Variants in PIGK observed in about 807,000 individuals in gnomAD.
The protein encoded by PIGK is GPI-anchor transamidase.
PIGK carries 42 observed loss-of-function variants against 50.6 expected under a neutral mutation model. The observed-to-expected ratio is 0.83, with a 90% CI of 0.65 to 1.07. The LOEUF (loss-of-function observed/expected upper bound fraction) is 1.07. Ranked by LOEUF, PIGK falls within the 50% of genes least tolerant of loss-of-function variation. The pLI is 0.00. For synonymous variants in PIGK, 151 were observed against 156.0 expected, an observed-to-expected ratio of 0.97 and a Z score of 0.24; for missense variants, 448 against 488.7, an observed-to-expected ratio of 0.92 and a Z score of 0.78.
At chr1:77,105,723 T>G (rs938238364) in intron 10 of PIGK, among the ~76,000 whole-genome samples, 1 of 152,218 alleles carries the variant, frequency 6.6e-6, no homozygotes, top group African/African-American at 2.4e-5. Context: ...AAAGTTTTGA[T>G]GTAACATAGC....
chr1:77,204,469 C>T (rs927546083), intron 3 of PIGK, among the ~76,000 whole-genome samples: 5 of 152,106 alleles, frequency 3.3e-5, no homozygotes, highest in African/African-American at 1.2e-4. Flanking sequence ...CCCCATTTGC[C>T]ATGTGATATT....
intron 9 of PIGK, among the ~76,000 whole-genome samples, chr1:77,150,101 G>T (rs1399146658): frequency 6.6e-6 from 1 of 151,970 alleles, no homozygotes; most frequent in African/African-American, 2.4e-5. Context: ...AGTATTAAAA[G>T]GAAAGTTTAT....
rs891289028 is a variant in PIGK at position 77,127,463 on chromosome 1, T to C, written c.987-5104A>G. 3.6e-4 allele frequency among the ~76,000 whole-genome samples: 54 copies of C among 152,050 alleles called. 1 individual carries two copies. Among genetic ancestry groups the C allele is most frequent in the African/African-American group, 1.2e-3 (50 of 41,404 alleles). ...CCTATAGTCCCAGCTACGTGGGAGA[T>C]TGAGGAGGAAGGATCATTTGAGCCT... On this transcript the variant is annotated intron_variant, in intron 9 of 10. Coordinates refer to ENST00000370812, the MANE Select transcript of PIGK (RefSeq NM_005482.3).
chr1:77,126,076 A>G (rs1317920051), intron 9 of PIGK, among the ~76,000 whole-genome samples: 1 of 152,014 alleles, frequency 6.6e-6, no homozygotes, highest in Non-Finnish European at 1.5e-5. Context: ...GTCCATTTCA[A>G]CTGTGAGTTT....
At chr1:77,205,530 A>G (rs1055504163) in intron 3 of PIGK, among the ~76,000 whole-genome samples, 1 of 152,006 alleles carries the variant, frequency 6.6e-6, no homozygotes, top group African/African-American at 2.4e-5. Context: ...CACTTTATGC[A>G]TAACTCTTAT....
At chr1:77,111,254 C>T (rs539356056) in intron 10 of PIGK, among the ~76,000 whole-genome samples, 127 of 152,070 alleles carry the variant, frequency 8.4e-4, no homozygotes, top group African/African-American at 2.9e-3. Context: ...ATCCTATTAC[C>T]GGGTATATAC....
At chr1:77,107,343 T>C (rs1462464240) in intron 10 of PIGK, among the ~76,000 whole-genome samples, 1 of 152,364 alleles carries the variant, frequency 6.6e-6, no homozygotes, top group African/African-American at 2.4e-5. Context: ...CATTTCATTA[T>C]GTACCCAGTA....
chr1:77,206,031 A>G (rs1425893918), intron 3 of PIGK, among the ~76,000 whole-genome samples: 2 of 152,216 alleles, frequency 1.3e-5, no homozygotes, highest in African/African-American at 2.4e-5. Flanking sequence ...CAAGACCTCT[A>G]TAAGAGAGAC....
At position 77,161,705 on chromosome 1, in the gene PIGK, A is replaced by T. The variant is rs1325901837; in HGVS notation, c.591T>A (p.Asn197Lys). Residue 197 changes from asparagine to lysine, a missense_variant, in exon 7 of 11, where the codon AAT becomes AAA. Physicochemically the swap from Asn to Lys is moderately conservative, Grantham distance 94. Coordinates refer to ENST00000370812, the MANE Select transcript of PIGK (RefSeq NM_005482.3). ...FEQMWQKRRY[N>K]ELLFIIDTCQ... is the part of the protein sequence containing the mutation. ...AAGTATCAATAATAAACAGTAGCTCATTGTAGCTGAAAGAAAAATGATAAC... is the reference window on the plus strand; with the variant it reads ...AAGTATCAATAATAAACAGTAGCTCTTTGTAGCTGAAAGAAAAATGATAAC... 15 of 1,363,510 alleles carry T rather than the reference A, an allele frequency of 1.1e-5. No individual in the cohort carries two copies. The highest frequency in any genetic ancestry group is 1.5e-5 in the Non-Finnish European group (14 of 953,698). The allele number at this position is 1,363,510 out of a possible 1,614,324, so 84.5% of individuals were successfully genotyped here. A position where few individuals can be genotyped will look rare whatever the true frequency, so the allele number is the denominator to read the frequency against.
At chr1:77,136,384 C>T (rs1381485468) in intron 9 of PIGK, among the ~76,000 whole-genome samples, 7 of 151,398 alleles carry the variant, frequency 4.6e-5, no homozygotes, top group Admixed American at 3.9e-4. Flanking sequence ...AAAAAATTAG[C>T]CGGGCGTAGT....
intron 3 of PIGK, among the ~76,000 whole-genome samples, chr1:77,194,634 T>C (rs1249486743): frequency 9.4e-6 from 1 of 105,830 alleles, no homozygotes; most frequent in Non-Finnish European, 1.9e-5. Flanking sequence ...CAGAACCTAT[T>C]TGTGGGTGGA....
intron 4 of PIGK, among the ~76,000 whole-genome samples, chr1:77,167,306 A>C (rs1974032): frequency 0.037 from 5,662 of 152,040 alleles, 207 homozygotes; most frequent in South Asian, 0.21. Context: ...CAGCCTGGGC[A>C]AGAGAGCAAG....
intron 3 of PIGK, among the ~76,000 whole-genome samples, chr1:77,197,783 A>G (rs930181968): frequency 6.6e-6 from 1 of 152,180 alleles, no homozygotes; most frequent in Non-Finnish European, 1.5e-5. Flanking sequence ...ACTGCCTCCC[A>G]TCTAAGTTGT....
At chr1:77,152,611 C>T (rs963814296) in intron 9 of PIGK, among the ~76,000 whole-genome samples, 2 of 151,408 alleles carry the variant, frequency 1.3e-5, no homozygotes, top group Non-Finnish European at 3.0e-5. Flanking sequence ...ACCTGACAAG[C>T]AATTAATAAC....
intron 10 of PIGK, among the ~76,000 whole-genome samples, chr1:77,113,144 T>G (rs1227322902): frequency 6.6e-6 from 1 of 152,012 alleles, no homozygotes; most frequent in Admixed American, 6.6e-5. Flanking sequence ...GCATATTTAA[T>G]GTCTTTAATA....
chr1:77,208,433 A>C lies in PIGK; in HGVS notation c.148-1702T>G, dbSNP rs553814351. Among the ~76,000 whole-genome samples the C allele has an allele frequency of 3.9e-5, 6 of 152,324 alleles. No homozygotes were observed. The South Asian group carries it at 1.2e-3, about 32-fold the overall frequency. On this transcript the variant is annotated intron_variant, in intron 2 of 10. Coordinates refer to ENST00000370812, the MANE Select transcript of PIGK (RefSeq NM_005482.3). ...GTTTCCCAGAGCAAGGAAGGCTTTCATATGTGTGTCAGTATAAGCTAACAG... is the reference window on the plus strand; with the variant it reads ...GTTTCCCAGAGCAAGGAAGGCTTTCCTATGTGTGTCAGTATAAGCTAACAG...
intron 9 of PIGK, among the ~76,000 whole-genome samples, chr1:77,134,924 G>A (rs1279675912): frequency 1.3e-5 from 2 of 151,610 alleles, no homozygotes; most frequent in African/African-American, 4.8e-5. Context: ...CCAAATATAT[G>A]TTTTAAACAA....
chr1:77,132,068 A>C (rs553372979), intron 9 of PIGK, among the ~76,000 whole-genome samples: 2 of 152,126 alleles, frequency 1.3e-5, no homozygotes, highest in South Asian at 4.1e-4. Flanking sequence ...TGAAGGCTTA[A>C]TTTATTTCTT....
intron 4 of PIGK, among the ~76,000 whole-genome samples, chr1:77,167,043 T>C (rs1391696818): frequency 6.6e-6 from 1 of 152,162 alleles, no homozygotes; most frequent in African/African-American, 2.4e-5. Flanking sequence ...TTAAAAGTAC[T>C]AAAAACTAAC....
Sources: allele counts gnomAD v4.1 joint callset (sites outside exome capture counted in the v4.1 genomes callset), GRCh38; gene constraint gnomAD v4.1.1; transcripts MANE v1.5; gene names NCBI Gene and HGNC (gene_info 2026-07-23, HGNC 2026-07-21).